Variants in SEPTIN9 observed in about 807,000 individuals in gnomAD.
SEPTIN9 encodes septin 9, also known as septin-9.
A neutral mutation model predicts 56.6 loss-of-function variants in SEPTIN9; 13 were observed. The ratio of observed to expected loss-of-function variants is 0.23; its 90% confidence interval spans 0.15 to 0.37. SEPTIN9 has a LOEUF of 0.37. Among genes scored for constraint, SEPTIN9 ranks in the 10% least tolerant of loss-of-function variants. The pLI, the probability that SEPTIN9 is intolerant of heterozygous loss-of-function variation, is 1.00. For synonymous variants in SEPTIN9, 332 were observed against 334.1 expected, an observed-to-expected ratio of 0.99 and a Z score of 0.07; for missense variants, 650 against 823.1, an observed-to-expected ratio of 0.79 and a Z score of 2.57.
In SEPTIN9 at chr17:77,475,676, C is replaced by A; in HGVS notation, c.722-6468C>A. 1 of 1,613,702 alleles carries A rather than the reference C, an allele frequency of 6.2e-7. No individual in the cohort carries two copies. The highest frequency in any genetic ancestry group is 8.5e-7 in the Non-Finnish European group (1 of 1,179,842). On this transcript the variant is annotated intron_variant, in intron 3 of 11. Coordinates refer to ENST00000427177, the MANE Select transcript of SEPTIN9 (RefSeq NM_001113491.2). The surrounding 1 kb of genome is among the most constrained non-coding windows in gnomAD (Gnocchi z 4.6). The stretch of plus-strand genomic sequence containing the variant: ...AGGCAAAGTAAGGAGACTGCTGGGC[C>A]CACGCTGGGCCGGGGTGGATGGAGG...
At chr17:77,418,394 G>C (rs1212860933) in intron 3 of SEPTIN9, among the ~76,000 whole-genome samples, 5 of 151,880 alleles carry the variant, frequency 3.3e-5, no homozygotes, top group Non-Finnish European at 7.4e-5. Context: ...CCAGGCTGGA[G>C]TGCAGTGGTG....
At chr17:77,337,365 A>G (rs932359989) in intron 2 of SEPTIN9, among the ~76,000 whole-genome samples, 4 of 152,062 alleles carry the variant, frequency 2.6e-5, no homozygotes, top group Non-Finnish European at 5.9e-5. Flanking sequence ...CTTGCTTATG[A>G]GATATCATCC....
In SEPTIN9 at chr17:77,436,005, G is replaced by A. The variant is rs551453800; in HGVS notation, c.721+33302G>A. The stretch of plus-strand genomic sequence containing the variant: ...GGAGGACCAAGGGAGAACTGAGCGC[G>A]TGTTCTCTTGGCCTCAGCCTCGTGT... On this transcript the variant is annotated intron_variant, in intron 3 of 11. Transcript: ENST00000427177. This position sits in a 1 kb window ranked among gnomAD's most constrained non-coding sequence, Gnocchi z 4.4. 6.6e-5 allele frequency among the ~76,000 whole-genome samples: 10 copies of A among 152,330 alleles called. No homozygotes were observed. The highest frequency in any genetic ancestry group is 4.1e-4 in the South Asian group (2 of 4,834).
chr17:77,322,706 C>T (rs975929438), intron 2 of SEPTIN9: 3 of 152,334 alleles, frequency 2.0e-5, no homozygotes, highest in Non-Finnish European at 4.4e-5. Flanking sequence ...CTAGGCAGCG[C>T]CCCCACCTCC....
At chr17:77,448,687 C>T (rs1389475385) in intron 3 of SEPTIN9, among the ~76,000 whole-genome samples, 1 of 151,984 alleles carries the variant, frequency 6.6e-6, no homozygotes, top group Non-Finnish European at 1.5e-5. Context: ...ACATTGATTA[C>T]ATGTTGAATT....
chr17:77,293,496 G>A (rs1197422982), intron 1 of SEPTIN9, among the ~76,000 whole-genome samples: 4 of 152,260 alleles, frequency 2.6e-5, no homozygotes, highest in Non-Finnish European at 4.4e-5. Flanking sequence ...ACTTAAAGGC[G>A]GGGAACTAGT....
At chr17:77,392,217 A>T (rs185500586) in intron 2 of SEPTIN9, among the ~76,000 whole-genome samples, 39 of 152,310 alleles carry the variant, frequency 2.6e-4, no homozygotes, top group African/African-American at 7.9e-4. Flanking sequence ...TGTGATGAGC[A>T]GGAAGGACCT....
rs1291702946 is a variant in SEPTIN9, at chr17:77,394,276, G to T, written c.77-7783G>T. Among the ~76,000 whole-genome samples, 10 of 152,196 alleles carry T rather than the reference G, an allele frequency of 6.6e-5. No homozygotes were observed. The East Asian group carries it at 1.9e-3, about 29-fold the overall frequency. On this transcript the variant is annotated intron_variant, in intron 2 of 11. Transcript: ENST00000427177. The stretch of plus-strand genomic sequence containing the variant: ...AGGAGGTGCCCATGGCGTACATGCT[G>T]CTGGACTCACTCTGTAGATCCTAAG...
Position 77,450,898 on chromosome 17 carries a change from GC to G in SEPTIN9, c.722-31243del. ...GACAAACCCAGGTGGCTGTGTTCCA[GC>G]CCTGGCTGCAGGTCTGAATGGCTTT... On this transcript the variant is annotated intron_variant, in intron 3 of 11. Coordinates refer to ENST00000427177, the MANE Select transcript of SEPTIN9 (RefSeq NM_001113491.2). This position sits in a 1 kb window ranked among gnomAD's most constrained non-coding sequence, Gnocchi z 6.0. 1.3e-6 allele frequency: 1 copy of G among 770,604 alleles called. No individual in the cohort carries two copies. Among genetic ancestry groups the G allele is most frequent in the Non-Finnish European group, 1.6e-6 (1 of 633,936 alleles). The allele number at this position is 770,604 out of a possible 1,614,324, so 47.7% of individuals were successfully genotyped here. A position where few individuals can be genotyped will look rare whatever the true frequency, so the allele number is the denominator to read the frequency against.
In SEPTIN9 at chr17:77,492,653, C is replaced by T. The variant is rs755854740; in HGVS notation, c.1413C>T (p.Asp471=). Residue 471 remains aspartate (D), a synonymous_variant, in exon 9 of 12, where the codon GAC becomes GAT. Coordinates refer to ENST00000427177, the MANE Select transcript of SEPTIN9 (RefSeq NM_001113491.2). This position sits in a 1 kb window ranked among gnomAD's most constrained non-coding sequence, Gnocchi z 5.4. ...ITADLLSNGI[D]VYPQKEFDED... is the part of the protein sequence containing the mutation. ...CAGACCTGCTGTCCAACGGCATCGACGTGTACCCCCAGAAGGAATTTGATG... is the reference window on the plus strand; with the variant it reads ...CAGACCTGCTGTCCAACGGCATCGATGTGTACCCCCAGAAGGAATTTGATG... The T allele has an allele frequency of 3.7e-5, 59 of 1,613,980 alleles. No individual in the cohort carries two copies. The South Asian group carries it at 4.1e-4, about 11-fold the overall frequency.
intron 1 of SEPTIN9, among the ~76,000 whole-genome samples, chr17:77,297,723 C>A (rs1221503366): frequency 2.0e-5 from 3 of 152,196 alleles, no homozygotes; most frequent in Non-Finnish European, 4.4e-5. Context: ...AGTGAGCAAA[C>A]AAGGACTCTT....
intron 3 of SEPTIN9, among the ~76,000 whole-genome samples, chr17:77,407,669 C>T (rs371193418): frequency 3.9e-5 from 6 of 152,136 alleles, no homozygotes; most frequent in African/African-American, 1.2e-4. Flanking sequence ...CCTGCCTGCT[C>T]CTCCGCCCCA....
intron 10 of SEPTIN9, among the ~76,000 whole-genome samples, chr17:77,493,581 G>C (rs955414820): frequency 1.3e-5 from 2 of 152,080 alleles, no homozygotes; most frequent in Non-Finnish European, 2.9e-5. Context: ...AGTTCCAGAG[G>C]CCAGAGGTCC....
In SEPTIN9 at chr17:77,453,417, C is replaced by T; in HGVS notation, c.722-28727C>T. Among the ~76,000 whole-genome samples the T allele has an allele frequency of 6.6e-6, 1 of 152,066 alleles. No individual in the cohort carries two copies. The highest frequency in any genetic ancestry group is 1.9e-4 in the East Asian group (1 of 5,178). ...GGTCAAGAGTTCGAGACCAGCCTGGCCAACATGGTGAAACCCTGTCTCTAC... is the reference window on the plus strand; with the variant it reads ...GGTCAAGAGTTCGAGACCAGCCTGGTCAACATGGTGAAACCCTGTCTCTAC... On this transcript the variant is annotated intron_variant, in intron 3 of 11. Transcript: ENST00000427177. The surrounding 1 kb of genome is among the most constrained non-coding windows in gnomAD (Gnocchi z 4.4).
chr17:77,421,813 C>T lies in SEPTIN9; in HGVS notation c.721+19110C>T, dbSNP rs146981899. Among the ~76,000 whole-genome samples, 43 of 152,178 alleles carry T rather than the reference C, an allele frequency of 2.8e-4. No homozygotes were observed. Among genetic ancestry groups the T allele is most frequent in the East Asian group, 7.7e-4 (4 of 5,162 alleles). ...GCAGCTGCCACGCTCATTTCACAGT[C>T]GAGACACCCTGGCCGAAGGTTCTGC... On this transcript the variant is annotated intron_variant, in intron 3 of 11. Transcript: ENST00000427177. The surrounding 1 kb of genome is among the most constrained non-coding windows in gnomAD (Gnocchi z 4.6).
In SEPTIN9 at chr17:77,487,175, C is replaced by T. The variant is rs2039829303; in HGVS notation, c.914-249C>T. Reference sequence around the variant, plus strand: ...ACTCTCCCAGGCCCGGCTCACCTCTCAGGAGAGGACTGTGGCCTGGGTTGT... The same window carrying T: ...ACTCTCCCAGGCCCGGCTCACCTCTTAGGAGAGGACTGTGGCCTGGGTTGT... On this transcript the variant is annotated intron_variant, in intron 4 of 11. Coordinates refer to ENST00000427177, the MANE Select transcript of SEPTIN9 (RefSeq NM_001113491.2). This position sits in a 1 kb window ranked among gnomAD's most constrained non-coding sequence, Gnocchi z 4.3. Among the ~76,000 whole-genome samples, 1 of 152,234 alleles carries T rather than the reference C, an allele frequency of 6.6e-6. No individual in the cohort carries two copies. Among genetic ancestry groups the T allele is most frequent in the Non-Finnish European group, 1.5e-5 (1 of 68,038 alleles).
chr17:77,465,782 G>T (rs1480434415), intron 3 of SEPTIN9, among the ~76,000 whole-genome samples: 2 of 152,146 alleles, frequency 1.3e-5, no homozygotes, highest in African/African-American at 4.8e-5. Context: ...GCCTGGGTGG[G>T]TGAGCCACTT....
At chr17:77,414,951 T>G (rs1179222384) in intron 3 of SEPTIN9, among the ~76,000 whole-genome samples, 1 of 152,132 alleles carries the variant, frequency 6.6e-6, no homozygotes, top group Non-Finnish European at 1.5e-5. Context: ...GGTGTCATGT[T>G]TCCAAGGTCC....
chr17:77,497,037 G>T (rs2040297366), intron 10 of SEPTIN9: 1 of 535,188 alleles, frequency 1.9e-6, no homozygotes, highest in Non-Finnish European at 3.4e-6. Flanking sequence ...CCTGGTCACT[G>T]TGCCATCTCC....
Sources: allele counts gnomAD v4.1 joint callset (sites outside exome capture counted in the v4.1 genomes callset), GRCh38; gene constraint gnomAD v4.1.1; non-coding constraint Gnocchi (gnomAD v3.1); transcripts MANE v1.5; gene names NCBI Gene and HGNC (gene_info 2026-07-23, HGNC 2026-07-21).